The following NCOA2 variants were observed in gnomAD, a reference collection of about 807,000 sequenced individuals.
The protein encoded by NCOA2 is nuclear receptor coactivator 2.
Under a neutral mutation model 145.1 loss-of-function variants are expected in NCOA2, and 21 were observed. The ratio of observed to expected loss-of-function variants is 0.14; its 90% CI spans 0.10 to 0.21. The LOEUF (loss-of-function observed/expected upper bound fraction) is 0.21. NCOA2 is among the 10% of genes least tolerant of loss of function. The pLI is 1.00. For missense variants in NCOA2, 1,472 were observed against 1,837.6 expected (o/e 0.80, Z 3.64); for synonymous variants, 619 against 637.5 (o/e 0.97, Z 0.44).
intron 1 of NCOA2, among the ~76,000 whole-genome samples, chr8:70,387,425 A>G (rs1455446224): frequency 3.9e-5 from 6 of 152,232 alleles, no homozygotes; most frequent in African/African-American, 1.4e-4. Flanking sequence ...ACATCTGGTC[A>G]TTATATCTCA....
chr8:70,182,442 G>C (rs1001558828), intron 4 of NCOA2, among the ~76,000 whole-genome samples: 1 of 152,176 alleles, frequency 6.6e-6, no homozygotes, highest in African/African-American at 2.4e-5. Flanking sequence ...CAAAAATCAT[G>C]TCTCAAGTTT....
At chr8:70,188,915 CAG>C (rs1477402239) in intron 4 of NCOA2, among the ~76,000 whole-genome samples, 2 of 152,080 alleles carry the variant, frequency 1.3e-5, no homozygotes, top group Non-Finnish European at 2.9e-5. Flanking sequence ...TCAGTATTAA[CAG>C]TAATAAAATT....
At chr8:70,378,910 A>G (rs1811927560) in intron 1 of NCOA2, among the ~76,000 whole-genome samples, 1 of 152,064 alleles carries the variant, frequency 6.6e-6, no homozygotes, top group South Asian at 2.1e-4. Flanking sequence ...ACAGAACCAA[A>G]TCGCAGACAC....
chr8:70,128,605 A>T, intron 17 of NCOA2, 95 bp from the exon 18 acceptor site: 1 of 1,590,386 alleles, frequency 6.3e-7, no homozygotes. Context: ...CCAACCCAGT[A>T]TCTGCACATT....
chr8:70,243,251 T>C (rs1372389907), intron 2 of NCOA2, among the ~76,000 whole-genome samples: 1 of 152,026 alleles, frequency 6.6e-6, no homozygotes, highest in African/African-American at 2.4e-5. Flanking sequence ...CAAAGGAAAA[T>C]GAAATGGCAT....
In NCOA2 at chr8:70,126,907, T is replaced by C. The variant is rs1329321085; in HGVS notation, c.3822A>G (p.Pro1274=). 1 of 1,613,888 alleles carries C rather than the reference T, an allele frequency of 6.2e-7. No individual in the cohort carries two copies. Among genetic ancestry groups the C allele is most frequent in the Non-Finnish European group, 8.5e-7 (1 of 1,179,896 alleles). The change falls in exon 19 of 23, where the codon CCA becomes CCG. Residue 1274 remains proline, a synonymous_variant. Transcript: ENST00000452400. ...GCATACCACTAGGAGCCACCATGCT[T>C]GGTGTCATATTCAACCCTTGTCCTC... ...MMRGQGLNMT[P]SMVAPSGMPA...
At position 70,244,655 on chromosome 8, in the gene NCOA2, T is replaced by C. The variant is rs188359525; in HGVS notation, c.-19-27891A>G. On this transcript the variant is annotated intron_variant, in intron 2 of 22. Coordinates refer to ENST00000452400, the MANE Select transcript of NCOA2 (RefSeq NM_006540.4). The stretch of plus-strand genomic sequence containing the variant: ...TATAAAGGTAGAAAGATAAAGCTTA[T>C]AGTTATATTTATTCCTTAATAATTA... Among the ~76,000 whole-genome samples the C allele has an allele frequency of 1.0e-3, 155 of 152,216 alleles. 1 individual carries two copies. Among genetic ancestry groups the C allele is most frequent in the Admixed American group, 2.9e-3 (44 of 15,266 alleles).
chr8:70,352,129 C>A (rs1235509721), intron 1 of NCOA2, among the ~76,000 whole-genome samples: 2 of 152,112 alleles, frequency 1.3e-5, no homozygotes, highest in East Asian at 3.8e-4. Flanking sequence ...AAAATATATA[C>A]TAGTATTCAA....
At chr8:70,201,455 T>C (rs913024829) in intron 4 of NCOA2, among the ~76,000 whole-genome samples, 16 of 152,294 alleles carry the variant, frequency 1.1e-4, no homozygotes, top group South Asian at 4.1e-4. Flanking sequence ...ATTTCTTACC[T>C]ATAAAGCTGA....
In NCOA2 at chr8:70,332,426, C is replaced by T. The variant is rs148230491; in HGVS notation, c.-76-35626G>A. On this transcript the variant is annotated intron_variant, in intron 1 of 22. Coordinates refer to ENST00000452400, the MANE Select transcript of NCOA2 (RefSeq NM_006540.4). Reference sequence around the variant, plus strand: ...TTATAATATGATATTTCTGACTCTACGCTGCTCTAAAACATTTTCCCAACT... The same window carrying T: ...TTATAATATGATATTTCTGACTCTATGCTGCTCTAAAACATTTTCCCAACT... 5.9e-4 allele frequency among the ~76,000 whole-genome samples: 90 copies of T among 152,264 alleles called. No individual in the cohort carries two copies. The East Asian group carries it at 0.016, about 27-fold the overall frequency.
chr8:70,315,319 C>A (rs933448832), intron 1 of NCOA2, among the ~76,000 whole-genome samples: 1 of 152,046 alleles, frequency 6.6e-6, no homozygotes, highest in South Asian at 2.1e-4. Flanking sequence ...ACAAAACAAA[C>A]AGAATAACCT....
upstream of NCOA2, among the ~76,000 whole-genome samples, chr8:70,404,778 CA>C (rs1814693364): frequency 1.3e-5 from 2 of 152,128 alleles, no homozygotes; most frequent in Admixed American, 1.3e-4. Flanking sequence ...AGGAGATTGG[CA>C]CTGAAAATGC....
the NCOA2 span, among the ~76,000 whole-genome samples, chr8:70,425,218 C>T: frequency 1.3e-5 from 2 of 152,142 alleles, no homozygotes; most frequent in Admixed American, 1.3e-4. Flanking sequence ...CCATTCCAAC[C>T]ATCTCTCTAA....
In NCOA2 at chr8:70,158,356, A is replaced by G. The variant is rs192101407; in HGVS notation, c.1125-1116T>C. Among the ~76,000 whole-genome samples, 7 of 152,352 alleles carry G rather than the reference A, an allele frequency of 4.6e-5. No individual in the cohort carries two copies. In the East Asian group the frequency reaches 1.2e-3, roughly 25 times the overall value. On this transcript the variant is annotated intron_variant, in intron 10 of 22. Coordinates refer to ENST00000452400, the MANE Select transcript of NCOA2 (RefSeq NM_006540.4). ...ATGAAATTTAATCATTTTCCTAAAT[A>G]TGTGCTCTAAGACAATATGGCTTAT...
intron 11 of NCOA2, among the ~76,000 whole-genome samples, chr8:70,155,065 ATAAG>A (rs1563534438): frequency 1.3e-5 from 2 of 152,234 alleles, no homozygotes; most frequent in African/African-American, 4.8e-5. Context: ...TCAAGTATAA[ATAAG>A]TATTATTTTG....
the NCOA2 span, among the ~76,000 whole-genome samples, chr8:70,432,896 A>G: frequency 6.6e-6 from 1 of 152,210 alleles, no homozygotes; most frequent in African/African-American, 2.4e-5. Context: ...GCTGATTTTA[A>G]TCTATTTCTT....
At chr8:70,269,408 G>A (rs1824869056) in intron 2 of NCOA2, among the ~76,000 whole-genome samples, 1 of 151,902 alleles carries the variant, frequency 6.6e-6, no homozygotes, top group South Asian at 2.1e-4. Context: ...CTGGGATAAG[G>A]ACCAGGAGTT....
chr8:70,192,264 A>AT (rs1228359203), intron 4 of NCOA2, among the ~76,000 whole-genome samples: 4 of 152,168 alleles, frequency 2.6e-5, no homozygotes, highest in Non-Finnish European at 5.9e-5. Flanking sequence ...AGAGTTGAGC[A>AT]TTTGCTTCAG....
the NCOA2 span, among the ~76,000 whole-genome samples, chr8:70,422,026 T>C: frequency 6.6e-6 from 1 of 150,532 alleles, no homozygotes; most frequent in Non-Finnish European, 1.5e-5. Context: ...ACCAGGGAGG[T>C]GGAGGTTGCA....
Sources: gnomAD v4.1 joint callset for allele counts (sites outside exome capture counted in the v4.1 genomes callset) on GRCh38, gnomAD v4.1.1 for gene constraint, MANE v1.5 for transcripts, NCBI Gene and HGNC (gene_info 2026-07-23, HGNC 2026-07-21) for gene names.